Variants in RBM33 observed in about 807,000 individuals in gnomAD.
RBM33 encodes RNA binding motif protein 33, also known as RNA-binding protein 33.
In RBM33, 28 loss-of-function variants were observed where a neutral mutation model predicts 132.6. The ratio of observed to expected loss-of-function variants is 0.21; its 90% CI spans 0.16 to 0.29. The LOEUF (loss-of-function observed/expected upper bound fraction) is 0.29, where lower values mean the gene tolerates loss of function less well. Among genes scored for constraint, RBM33 ranks in the 10% least tolerant of loss-of-function variants. The pLI is 1.00. For synonymous variants in RBM33, 634 were observed against 593.0 expected, an observed-to-expected ratio of 1.07 and a Z score of -1.01; for missense variants, 1,291 against 1,518.5, an observed-to-expected ratio of 0.85 and a Z score of 2.49.
At chr7:155,755,296 C>A (rs758945385) in intron 14 of RBM33, among the ~76,000 whole-genome samples, 4 of 152,228 alleles carry the variant, frequency 2.6e-5, no homozygotes, top group African/African-American at 9.7e-5. Flanking sequence ...CCCTGTCCTT[C>A]TGTGTGTCCT....
chr7:155,656,066 A>T (rs771184947), intron 1 of RBM33, among the ~76,000 whole-genome samples: 1 of 152,230 alleles, frequency 6.6e-6, no homozygotes, highest in East Asian at 1.9e-4. Flanking sequence ...TGTCACTTCA[A>T]GTAAAACAGT....
chr7:155,779,559 G>GT lies in RBM33; in HGVS notation c.*4525dup, dbSNP rs369349861. The GT allele has an allele frequency of 6.6e-6, 1 of 152,114 alleles. No homozygotes were observed. The highest frequency in any genetic ancestry group is 1.5e-5 in the Non-Finnish European group (1 of 68,018). 9.4% of individuals were successfully genotyped at this position (152,114 alleles called of 1,614,324 possible). ...TTAAATCCTAAGGATTTTATGTAAG[G>GT]TTTTTTTGCAACCTATTTAATTTTT... On this transcript the variant is annotated 3_prime_UTR_variant, in exon 18 of 18. Coordinates refer to ENST00000401878, the MANE Select transcript of RBM33 (RefSeq NM_053043.3).
At chr7:155,733,605 C>T (rs1041037259) in intron 9 of RBM33, among the ~76,000 whole-genome samples, 2 of 146,510 alleles carry the variant, frequency 1.4e-5, no homozygotes, top group Non-Finnish European at 3.0e-5. Flanking sequence ...GCCTGAGTTC[C>T]CTTTGGTCCT....
At chr7:155,661,605 G>T (rs970712383) in intron 1 of RBM33, among the ~76,000 whole-genome samples, 4 of 151,210 alleles carry the variant, frequency 2.6e-5, no homozygotes, top group South Asian at 2.1e-4. Context: ...ACGGAGTTTC[G>T]CCATGTTGGC....
rs1563137809 is a variant in RBM33 at position 155,673,687 on chromosome 7, T to TATACATACACACGTGTATATATATAC, written c.171+773_171+774insTACATACACACGTGTATATATATACA. 1.0e-4 allele frequency among the ~76,000 whole-genome samples: 13 copies of TATACATACACACGTGTATATATATAC among 125,390 alleles called. 1 individual carries two copies. The highest frequency in any genetic ancestry group is 2.5e-4 in the South Asian group (1 of 4,038). 82.3% of individuals were successfully genotyped at this position (125,390 alleles called of 152,430 possible). A position where few individuals can be genotyped will look rare whatever the true frequency, so the allele number is the denominator to read the frequency against. On this transcript the variant is annotated intron_variant, in intron 3 of 17. Transcript: ENST00000401878. ...ATATACATACACACGTGTATATATA[T>TATACATACACACGTGTATATATATAC]ACACACATATATACATACACACGTG... is the stretch of plus-strand genomic sequence containing the variant.
intron 9 of RBM33, among the ~76,000 whole-genome samples, chr7:155,726,430 TTAAC>T (rs1034567393): frequency 1.3e-5 from 2 of 152,030 alleles, no homozygotes; most frequent in African/African-American, 2.4e-5. Flanking sequence ...AATCATGTAA[TTAAC>T]AAGAGATGCA....
rs376198654 is a variant in RBM33 at position 155,680,878 on chromosome 7, C to T, written c.537C>T (p.Ile179=). 220 of 1,613,606 alleles carry T rather than the reference C, an allele frequency of 1.4e-4. No homozygotes were observed. The African/African-American group carries it at 2.5e-3, about 18-fold the overall frequency. Residue 179 remains isoleucine (I), a synonymous_variant, in exon 5 of 18, where the codon ATC becomes ATT. Coordinates refer to ENST00000401878, the MANE Select transcript of RBM33 (RefSeq NM_053043.3). ...TTTACACTGATGAAGTGTTAGACAT[C>T]GAGATCAATGAACCTTTAGATGAAT... ...EQLYTDEVLD[I]EINEPLDEFT...
intron 16 of RBM33, among the ~76,000 whole-genome samples, chr7:155,773,964 C>T (rs1243163742): frequency 6.6e-6 from 1 of 152,240 alleles, no homozygotes; most frequent in African/African-American, 2.4e-5. Context: ...GTGGCGACTT[C>T]ATTTCAGATA....
chr7:155,702,398 G>A (rs180758458), intron 6 of RBM33, among the ~76,000 whole-genome samples: 3 of 152,190 alleles, frequency 2.0e-5, no homozygotes, highest in Admixed American at 2.0e-4. Flanking sequence ...TCCATCTTGT[G>A]GCCCAAGATT....
intron 14 of RBM33, among the ~76,000 whole-genome samples, chr7:155,762,450 A>G (rs192064775): frequency 1.6e-4 from 24 of 152,306 alleles, no homozygotes; most frequent in African/African-American, 5.8e-4. Flanking sequence ...TGATTTCCAG[A>G]GTCCTCAAAT....
chr7:155,741,036 C>CTT (rs1157957081), intron 12 of RBM33, among the ~76,000 whole-genome samples: 6 of 152,178 alleles, frequency 3.9e-5, no homozygotes, highest in African/African-American at 1.4e-4. Flanking sequence ...TGATATTTGC[C>CTT]TCTTTCTTTC....
intron 1 of RBM33, among the ~76,000 whole-genome samples, chr7:155,657,983 T>C (rs1323245523): frequency 1.3e-5 from 2 of 152,218 alleles, no homozygotes; most frequent in African/African-American, 4.8e-5. Context: ...TTAGGTCTAG[T>C]TGATTTATAG....
intron 2 of RBM33, among the ~76,000 whole-genome samples, chr7:155,672,632 C>G (rs1798973372): frequency 6.6e-6 from 1 of 151,624 alleles, no homozygotes; most frequent in Admixed American, 6.6e-5. Flanking sequence ...GTAATCCCAG[C>G]TACTTGGGAG....
In RBM33 at chr7:155,774,469, G is replaced by A; in HGVS notation, c.3376-90G>A. ...CCAAATGTCCGCCTGGACTCATTTT[G>A]TGTTAAAACTAATAATGCTTAAATA... On this transcript the variant is annotated intron_variant, in intron 16 of 17. Coordinates refer to ENST00000401878, the MANE Select transcript of RBM33 (RefSeq NM_053043.3). This position sits in a 1 kb window ranked among gnomAD's most constrained non-coding sequence, Gnocchi z 4.2. The A allele has an allele frequency of 2.1e-6, 2 of 933,642 alleles. No homozygotes were observed. Among genetic ancestry groups the A allele is most frequent in the Non-Finnish European group, 3.3e-6 (2 of 600,270 alleles). The allele number at this position is 933,642 out of a possible 1,614,324, so 57.8% of individuals were successfully genotyped here. A position where few individuals can be genotyped will look rare whatever the true frequency, so the allele number is the denominator to read the frequency against.
In RBM33 at chr7:155,774,875, T is replaced by G; in HGVS notation, c.3465-118T>G. 1 of 935,886 alleles carries G rather than the reference T, an allele frequency of 1.1e-6. No individual in the cohort carries two copies. The allele number at this position is 935,886 out of a possible 1,614,324, so 58.0% of individuals were successfully genotyped here. A position where few individuals can be genotyped will look rare whatever the true frequency, so the allele number is the denominator to read the frequency against. ...AGATCTTCCCGGGGAATCTGCCTTTTTATATGATGCGTTTTTATTAAACAG... is the reference window on the plus strand; with the variant it reads ...AGATCTTCCCGGGGAATCTGCCTTTGTATATGATGCGTTTTTATTAAACAG... On this transcript the variant is annotated intron_variant, in intron 17 of 17. Coordinates refer to ENST00000401878, the MANE Select transcript of RBM33 (RefSeq NM_053043.3). This position sits in a 1 kb window ranked among gnomAD's most constrained non-coding sequence, Gnocchi z 4.2.
Position 155,678,596 on chromosome 7 carries a change from TATTTTA to T in RBM33, c.172-8_172-3del. 2 of 1,478,248 alleles carry T rather than the reference TATTTTA, an allele frequency of 1.4e-6. No homozygotes were observed. Among genetic ancestry groups the T allele is most frequent in the Non-Finnish European group, 1.9e-6 (2 of 1,080,186 alleles). 91.6% of individuals were successfully genotyped at this position (1,478,248 alleles called of 1,614,324 possible). On this transcript the variant is annotated splice_polypyrimidine_tract_variant and splice_region_variant and intron_variant, in intron 3 of 17. Coordinates refer to ENST00000401878, the MANE Select transcript of RBM33 (RefSeq NM_053043.3). ...AGTGACACACATTAATTATATTTCT[TATTTTA>T]ATTAGAATCAGTCGGATTTGTCAGA...
chr7:155,694,035 G>T (rs959029741), intron 5 of RBM33, among the ~76,000 whole-genome samples: 1 of 152,126 alleles, frequency 6.6e-6, no homozygotes, highest in African/African-American at 2.4e-5. Flanking sequence ...CCCCATCTGT[G>T]TTGCCGCACG....
intron 9 of RBM33, among the ~76,000 whole-genome samples, chr7:155,719,645 T>C (rs190057638): frequency 6.6e-6 from 1 of 152,198 alleles, no homozygotes; most frequent in Non-Finnish European, 1.5e-5. Flanking sequence ...TTTTATTAGA[T>C]CCATTACCCA....
Position 155,742,681 on chromosome 7 carries a change from T to C in RBM33, c.2337+575T>C, listed in dbSNP as rs544222448. On this transcript the variant is annotated intron_variant, in intron 13 of 17. Coordinates refer to ENST00000401878, the MANE Select transcript of RBM33 (RefSeq NM_053043.3). ...TCTTTTAAGATTTCTGGGGGTTTGC[T>C]TTGTGTTGAAGTATGATGATATATG... Among the ~76,000 whole-genome samples the C allele has an allele frequency of 1.9e-3, 290 of 152,342 alleles. 1 individual carries two copies. Among genetic ancestry groups the C allele is most frequent in the Non-Finnish European group, 2.2e-3 (148 of 68,032 alleles).
Sources: allele counts gnomAD v4.1 joint callset (sites outside exome capture counted in the v4.1 genomes callset), GRCh38; gene constraint gnomAD v4.1.1; non-coding constraint Gnocchi (gnomAD v3.1); transcripts MANE v1.5; gene names NCBI Gene and HGNC (gene_info 2026-07-23, HGNC 2026-07-21).